The following ZNF665 variants were observed in gnomAD, a reference collection of about 807,000 sequenced individuals.
The protein encoded by ZNF665 is zinc finger protein 665.
ZNF665 carries 6 observed loss-of-function variants against 7.9 expected under a neutral mutation model. The observed-to-expected ratio is 0.76, with a 90% CI of 0.42 to 1.50. The LOEUF (loss-of-function observed/expected upper bound fraction) is 1.50, where lower values mean the gene tolerates loss of function less well. Among genes scored for constraint, ZNF665 ranks in the 40% most tolerant of loss-of-function variants. The pLI is 0.01. For missense variants in ZNF665, 819 were observed against 806.7 expected (o/e 1.02, Z -0.18); for synonymous variants, 242 against 274.5 (o/e 0.88, Z 1.17).
intron 2 of ZNF665, among the ~76,000 whole-genome samples, chr19:53,176,697 G>GT (rs2090701005): frequency 6.6e-6 from 1 of 152,210 alleles, no homozygotes; most frequent in African/African-American, 2.4e-5. Flanking sequence ...TCCAGACAGT[G>GT]TAAGAACTGA....
At chr19:53,183,977 C>T (rs2090757881) in intron 1 of ZNF665, among the ~76,000 whole-genome samples, 1 of 152,172 alleles carries the variant, frequency 6.6e-6, no homozygotes, top group African/African-American at 2.4e-5. Flanking sequence ...AAGCTGGGCG[C>T]AGTGGCTCTT....
Position 53,166,128 on chromosome 19 carries a change from G to C in ZNF665, c.362C>G (p.Pro121Arg), listed in dbSNP as rs1199902822. ...TVLMLQKENL[P>R]GRRAQRDRRA... ...TCTATCACGTTGAGCTCTTCTACCAGGGAGATTTTCTTTTTGCAACATAAG... is the reference window on the plus strand; with the variant it reads ...TCTATCACGTTGAGCTCTTCTACCACGGAGATTTTCTTTTTGCAACATAAG... Residue 121 changes from proline (P) to arginine (R), a missense_variant, in exon 4 of 4, where the codon CCT (proline) becomes CGT (arginine). Pro to Arg is a moderately radical substitution (Grantham distance 103, BLOSUM62 -2). Coordinates refer to ENST00000396424, the MANE Select transcript of ZNF665 (RefSeq NM_024733.5). 6.2e-7 allele frequency: 1 copy of C among 1,613,788 alleles called. No individual in the cohort carries two copies.
At chr19:53,183,883 G>A (rs543479978) in intron 1 of ZNF665, among the ~76,000 whole-genome samples, 1 of 152,224 alleles carries the variant, frequency 6.6e-6, no homozygotes, top group Admixed American at 6.5e-5. Flanking sequence ...GGCAGGAGAC[G>A]AGGTCAGAGA....
intron 3 of ZNF665, among the ~76,000 whole-genome samples, chr19:53,171,816 G>C (rs1357052902): frequency 6.6e-6 from 1 of 152,060 alleles, no homozygotes; most frequent in Non-Finnish European, 1.5e-5. Context: ...GGGCAGTGGT[G>C]TGATCTCGGC....
chr19:53,184,630 G>A (rs1397681951), intron 1 of ZNF665, among the ~76,000 whole-genome samples: 3 of 152,150 alleles, frequency 2.0e-5, no homozygotes, highest in Non-Finnish European at 4.4e-5. Flanking sequence ...TGGGTTGTAG[G>A]GTCCGGCCCC....
intron 3 of ZNF665, among the ~76,000 whole-genome samples, chr19:53,173,846 T>C (rs1418902396): frequency 2.6e-5 from 4 of 152,180 alleles, no homozygotes; most frequent in Non-Finnish European, 5.9e-5. Flanking sequence ...ACAGGATACA[T>C]GCCCGATGTA....
chr19:53,173,527 A>G (rs1326166854), intron 3 of ZNF665, among the ~76,000 whole-genome samples: 3 of 151,774 alleles, frequency 2.0e-5, no homozygotes, highest in Non-Finnish European at 4.4e-5. Context: ...GGTGTGCACC[A>G]CCATGCCTGG....
intron 1 of ZNF665, among the ~76,000 whole-genome samples, chr19:53,185,455 T>G (rs1401023699): frequency 6.6e-6 from 1 of 152,090 alleles, no homozygotes; most frequent in Non-Finnish European, 1.5e-5. Context: ...GGAGGATTAT[T>G]ATAATATTGG....
intron 1 of ZNF665, among the ~76,000 whole-genome samples, chr19:53,183,952 C>G (rs1480625528): frequency 6.6e-6 from 1 of 152,124 alleles, no homozygotes; most frequent in Admixed American, 6.6e-5. Flanking sequence ...TCTCCCACAC[C>G]TCCAAAGAAT....
Position 53,171,504 on chromosome 19 carries a change from G to GTGTGTGTATATATATA in ZNF665, c.142+3940_142+3941insTATATATATACACACA, listed in dbSNP as rs140482885. On this transcript the variant is annotated intron_variant, in intron 3 of 3. Coordinates refer to ENST00000396424, the MANE Select transcript of ZNF665 (RefSeq NM_024733.5). Reference sequence around the variant, plus strand: ...TCTTTACATTTGTGTGTGTGTGTGTGTATATATATATATATATATATTTTT... The same window carrying GTGTGTGTATATATATA: ...TCTTTACATTTGTGTGTGTGTGTGTGTGTGTGTATATATATATATATATATATATATATATATTTTT... Among the ~76,000 whole-genome samples the GTGTGTGTATATATATA allele has an allele frequency of 9.9e-4, 57 of 57,760 alleles. 1 individual carries two copies. Among genetic ancestry groups the GTGTGTGTATATATATA allele is most frequent in the East Asian group, 2.6e-3 (3 of 1,154 alleles). The allele number at this position is 57,760 out of a possible 152,430, so 37.9% of individuals were successfully genotyped here.
chr19:53,179,739 A>C (rs942349927), intron 2 of ZNF665: 2 of 152,214 alleles, frequency 1.3e-5, no homozygotes. Context: ...GGGAACTTCA[A>C]CTTGAAGTTG....
intron 3 of ZNF665, 105 bp downstream of exon 3, chr19:53,175,340 C>T: frequency 2.9e-6 from 4 of 1,381,284 alleles, no homozygotes; most frequent in Non-Finnish European, 4.0e-6. Context: ...GTCAACAGGA[C>T]ATCAATCCTC....
rs267605650 is a variant in ZNF665 at position 53,164,805 on chromosome 19, C to T, written c.1685G>A (p.Arg562Lys). 1 of 1,614,188 alleles carries T rather than the reference C, an allele frequency of 6.2e-7. No homozygotes were observed. The highest frequency in any genetic ancestry group is 1.7e-5 in the Admixed American group (1 of 60,026). The stretch of plus-strand genomic sequence containing the variant: ...ATAAGGTTTCTCACCAGTGTGAATT[C>T]TCTGATGAATTGCAAGGTACGAATT... ...RHNSYLAIHQ[R>K]IHTGEKPYKC... The change falls in exon 4 of 4, where the codon AGA becomes AAA. Residue 562 changes from arginine to lysine, a missense_variant. Physicochemically the swap from Arg to Lys is conservative, Grantham distance 26. Transcript: ENST00000396424.
chr19:53,167,806 C>T (rs533714417), intron 3 of ZNF665, among the ~76,000 whole-genome samples: 2,300 of 147,844 alleles, frequency 0.016, 63 homozygotes, highest in African/African-American at 0.054. Flanking sequence ...CCTGTAATCC[C>T]AGCACTTTGG....
At chr19:53,190,018 C>T (rs1367600670) in intron 1 of ZNF665, among the ~76,000 whole-genome samples, 1 of 152,026 alleles carries the variant, frequency 6.6e-6, no homozygotes. Context: ...TTTTCCTAGG[C>T]TATGATTATA....
intron 1 of ZNF665, among the ~76,000 whole-genome samples, chr19:53,184,265 A>T (rs2090760391): frequency 6.6e-6 from 1 of 152,124 alleles, no homozygotes; most frequent in South Asian, 2.1e-4. Flanking sequence ...AAAAGACTAG[A>T]AGAAATAATA....
intron 1 of ZNF665, among the ~76,000 whole-genome samples, chr19:53,192,038 C>A (rs1225191337): frequency 6.6e-6 from 1 of 151,954 alleles, no homozygotes; most frequent in Non-Finnish European, 1.5e-5. Context: ...GTGTTTCAGC[C>A]TGGGTCTCTG....
At chr19:53,185,539 A>G (rs1339571524) in intron 1 of ZNF665, among the ~76,000 whole-genome samples, 1 of 152,138 alleles carries the variant, frequency 6.6e-6, no homozygotes, top group Non-Finnish European at 1.5e-5. Context: ...TATATCTGGT[A>G]TAACTATTCT....
chr19:53,177,443 C>A (rs146658634), intron 2 of ZNF665, among the ~76,000 whole-genome samples: 2,641 of 151,446 alleles, frequency 0.017, 61 homozygotes, highest in African/African-American at 0.049. Flanking sequence ...ACTAAAAATA[C>A]AAAAATTAGC....
Sources: gnomAD v4.1 joint callset for allele counts (sites outside exome capture counted in the v4.1 genomes callset) on GRCh38, gnomAD v4.1.1 for gene constraint, MANE v1.5 for transcripts, NCBI Gene and HGNC (gene_info 2026-07-23, HGNC 2026-07-21) for gene names.